The following KCNN3 variants were observed in gnomAD, a reference collection of about 807,000 sequenced individuals.
The protein encoded by KCNN3 is small conductance calcium-activated potassium channel protein 3.
KCNN3 carries 16 observed loss-of-function variants against 62.9 expected under a neutral mutation model. That is an observed-to-expected ratio of 0.25 (90% CI 0.17 to 0.39). KCNN3 has a LOEUF of 0.39. Among genes scored for constraint, KCNN3 ranks in the 10% least tolerant of loss-of-function variants. KCNN3 has a pLI of 1.00. For synonymous variants in KCNN3, 370 were observed against 389.2 expected (o/e 0.95, Z 0.58); for missense variants, 599 against 949.4 (o/e 0.63, Z 4.85).
intron 1 of KCNN3, among the ~76,000 whole-genome samples, chr1:154,831,778 G>A (rs1172964103): frequency 6.6e-6 from 1 of 152,122 alleles, no homozygotes; most frequent in Non-Finnish European, 1.5e-5. Flanking sequence ...TCTGCCTGCA[G>A]TGCTTGGTCC....
chr1:154,766,780 C>T (rs1246680374), intron 3 of KCNN3, among the ~76,000 whole-genome samples: 2 of 151,114 alleles, frequency 1.3e-5, no homozygotes, highest in Admixed American at 6.6e-5. Context: ...CCTGGGTTCA[C>T]GCCATTCTCC....
chr1:154,711,891 A>G (rs759628315), intron 7 of KCNN3, among the ~76,000 whole-genome samples: 110 of 150,634 alleles, frequency 7.3e-4, no homozygotes, highest in Non-Finnish European at 1.4e-3. Flanking sequence ...AGAGGGAGAG[A>G]AAGAGAGGAA....
chr1:154,828,006 C>G (rs901898476), intron 1 of KCNN3, among the ~76,000 whole-genome samples: 1 of 152,116 alleles, frequency 6.6e-6, no homozygotes, highest in Non-Finnish European at 1.5e-5. Context: ...CCGGGAGAGA[C>G]AGCCGATGCT....
chr1:154,823,075 G>A (rs1650969890), intron 1 of KCNN3, among the ~76,000 whole-genome samples: 1 of 152,206 alleles, frequency 6.6e-6, no homozygotes, highest in Non-Finnish European at 1.5e-5. Flanking sequence ...TGAAAATAAA[G>A]GAGTTAATGT....
In KCNN3 at chr1:154,714,612, G is replaced by GGTGTGT. The variant is rs200006853; in HGVS notation, c.1829+258_1829+263dup. Among the ~76,000 whole-genome samples, 66 of 24,854 alleles carry GGTGTGT rather than the reference G, an allele frequency of 2.7e-3. 2 individuals carry two copies. The highest frequency in any genetic ancestry group is 6.4e-3 in the African/African-American group (59 of 9,232). 16.3% of individuals were successfully genotyped at this position (24,854 alleles called of 152,430 possible). A position where few individuals can be genotyped will look rare whatever the true frequency, so the allele number is the denominator to read the frequency against. On this transcript the variant is annotated intron_variant, in intron 6 of 7. Transcript: ENST00000271915. ...ATGGTGTGTGTGATGTGTGGTGTGT[G>GGTGTGT]GTGTGTGTGTGTGTGTGTGTGTGTG...
intron 2 of KCNN3, among the ~76,000 whole-genome samples, chr1:154,775,484 G>C (rs938483951): frequency 2.0e-5 from 3 of 152,076 alleles, no homozygotes; most frequent in African/African-American, 4.8e-5. Flanking sequence ...GGATTGAAAG[G>C]GTTTAATAAA....
intron 1 of KCNN3, among the ~76,000 whole-genome samples, chr1:154,831,889 C>T (rs774716865): frequency 1.3e-5 from 2 of 152,172 alleles, no homozygotes; most frequent in Middle Eastern, 6.8e-3. Flanking sequence ...GACACACACT[C>T]ATTAACGTAC....
At chr1:154,805,606 C>T (rs148265884) in intron 2 of KCNN3, among the ~76,000 whole-genome samples, 2 of 152,118 alleles carry the variant, frequency 1.3e-5, no homozygotes, top group South Asian at 2.1e-4. Context: ...CCGCTGTGGT[C>T]GGCTGTTTGG....
chr1:154,852,837 G>A (rs1652359568), intron 1 of KCNN3, among the ~76,000 whole-genome samples: 1 of 152,126 alleles, frequency 6.6e-6, no homozygotes, highest in Non-Finnish European at 1.5e-5. Flanking sequence ...ACCGGACAGT[G>A]CTGTCTACAA....
chr1:154,737,145 C>A lies in KCNN3; in HGVS notation c.1449-4001G>T, dbSNP rs554618510. The stretch of plus-strand genomic sequence containing the variant: ...TCTAAACCTATTCACAATTTTAGAG[C>A]GGTTTACACATGTCACAAACTCACA... On this transcript the variant is annotated intron_variant, in intron 3 of 7. Transcript: ENST00000271915. 2.2e-5 allele frequency: 14 copies of A among 635,234 alleles called. No individual in the cohort carries two copies. In the East Asian group the frequency reaches 4.0e-4, roughly 18 times the overall value. 39.3% of individuals were successfully genotyped at this position (635,234 alleles called of 1,614,324 possible). A position where few individuals can be genotyped will look rare whatever the true frequency, so the allele number is the denominator to read the frequency against.
At chr1:154,731,346 CGCTAAGCTTTTTGTCATTA>C (rs1386126438) in intron 4 of KCNN3, among the ~76,000 whole-genome samples, 2 of 152,242 alleles carry the variant, frequency 1.3e-5, no homozygotes, top group Admixed American at 1.3e-4. Context: ...ACAACCCCAG[CGCTAAGCTTTTTGTCATTA>C]GCTGCTGTCG....
In KCNN3 at chr1:154,699,970, G is replaced by A. The variant is rs925726521; in HGVS notation, c.*8006C>T. On this transcript the variant is annotated 3_prime_UTR_variant, in exon 8 of 8. Coordinates refer to ENST00000271915, the MANE Select transcript of KCNN3 (RefSeq NM_002249.6). Reference sequence around the variant, plus strand: ...TGCTATTTAGGTAAGACCGGAAAAAGACTATCTCTTATTGACTTTATTATG... The same window carrying A: ...TGCTATTTAGGTAAGACCGGAAAAAAACTATCTCTTATTGACTTTATTATG... The A allele has an allele frequency of 6.6e-6, 1 of 152,138 alleles. No individual in the cohort carries two copies. The highest frequency in any genetic ancestry group is 1.5e-5 in the Non-Finnish European group (1 of 68,030). 9.4% of individuals were successfully genotyped at this position (152,138 alleles called of 1,614,324 possible). A position where few individuals can be genotyped will look rare whatever the true frequency, so the allele number is the denominator to read the frequency against.
chr1:154,823,978 T>C (rs1651005848), intron 1 of KCNN3, among the ~76,000 whole-genome samples: 1 of 152,208 alleles, frequency 6.6e-6, no homozygotes, highest in South Asian at 2.1e-4. Context: ...ATTCATTTAA[T>C]TGGTACAGTT....
chr1:154,707,174 A>T lies in KCNN3; in HGVS notation c.*802T>A, dbSNP rs1338927444. The T allele has an allele frequency of 2.0e-5, 3 of 152,218 alleles. No homozygotes were observed. Among genetic ancestry groups the T allele is most frequent in the Admixed American group, 2.0e-4 (3 of 15,286 alleles). The allele number at this position is 152,218 out of a possible 1,614,324, so 9.4% of individuals were successfully genotyped here. On this transcript the variant is annotated 3_prime_UTR_variant, in exon 8 of 8. Coordinates refer to ENST00000271915, the MANE Select transcript of KCNN3 (RefSeq NM_002249.6). Reference sequence around the variant, plus strand: ...CTTCAGTGAAACTCAGAATGTGGCCAGAACTAGCTAACTACCTGAACTGAA... The same window carrying T: ...CTTCAGTGAAACTCAGAATGTGGCCTGAACTAGCTAACTACCTGAACTGAA...
At chr1:154,730,208 G>A (rs139251737) in intron 4 of KCNN3, among the ~76,000 whole-genome samples, 2 of 152,316 alleles carry the variant, frequency 1.3e-5, no homozygotes, top group African/African-American at 4.8e-5. Context: ...CTGCTTTTGT[G>A]GGTGAAATCT....
chr1:154,833,255 C>G (rs1023400520), intron 1 of KCNN3, among the ~76,000 whole-genome samples: 1 of 152,188 alleles, frequency 6.6e-6, no homozygotes, highest in Non-Finnish European at 1.5e-5. Context: ...AATCATCCCC[C>G]AACCCCGGCA....
At chr1:154,807,215 G>A (rs1650207145) in intron 2 of KCNN3, among the ~76,000 whole-genome samples, 1 of 152,140 alleles carries the variant, frequency 6.6e-6, no homozygotes, top group South Asian at 2.1e-4. Flanking sequence ...GTGAAACAAG[G>A]TGGTTTTGGT....
At chr1:154,787,720 C>T (rs1051942668) in intron 2 of KCNN3, among the ~76,000 whole-genome samples, 2 of 152,172 alleles carry the variant, frequency 1.3e-5, no homozygotes, top group South Asian at 2.1e-4. Flanking sequence ...CACCACACCC[C>T]GTGGAGTCAG....
rs202034427 is a variant in KCNN3, at chr1:154,709,442, C to T, written c.1900-1170G>A. On this transcript the variant is annotated intron_variant, in intron 7 of 7. Coordinates refer to ENST00000271915, the MANE Select transcript of KCNN3 (RefSeq NM_002249.6). ...CTATTTCACGTGAAATTTCAGGTTA[C>T]TCTAGGAAGATATGGACATGATTTA... 1.1e-4 allele frequency among the ~76,000 whole-genome samples: 17 copies of T among 152,166 alleles called. No individual in the cohort carries two copies. The East Asian group carries it at 3.3e-3, about 29-fold the overall frequency.
Sources: gnomAD v4.1 joint callset for allele counts (sites outside exome capture counted in the v4.1 genomes callset) on GRCh38, gnomAD v4.1.1 for gene constraint, MANE v1.5 for transcripts, NCBI Gene and HGNC (gene_info 2026-07-23, HGNC 2026-07-21) for gene names.